Variants in OTOG observed in about 807,000 individuals in gnomAD.
The protein encoded by OTOG is otogelin.
In OTOG, 296 loss-of-function variants were observed where a neutral mutation model predicts 313.8. That is an observed-to-expected ratio of 0.94 (90% CI 0.86 to 1.04). The LOEUF (loss-of-function observed/expected upper bound fraction) is 1.04, where lower values mean the gene tolerates loss of function less well. OTOG is among the 50% of genes least tolerant of loss of function. OTOG has a pLI of 0.00. For missense variants in OTOG, 3,948 were observed against 3,840.1 expected (o/e 1.03, Z -0.74); for synonymous variants, 1,533 against 1,554.9 (o/e 0.99, Z 0.33).
At chr11:17,618,548 T>C (rs962735379) in intron 39 of OTOG, among the ~76,000 whole-genome samples, 40 of 152,366 alleles carry the variant, frequency 2.6e-4, no homozygotes, top group African/African-American at 8.2e-4. Context: ...GAGTGTTCTA[T>C]GAATGTTAAT....
chr11:17,621,455 A>G (rs1430791917), intron 39 of OTOG, among the ~76,000 whole-genome samples: 1 of 151,844 alleles, frequency 6.6e-6, no homozygotes, highest in Non-Finnish European at 1.5e-5. Flanking sequence ...AGCTCTGTGG[A>G]TTTTTCTGTC....
At chr11:17,598,471 G>T (rs1382657681) in intron 30 of OTOG, among the ~76,000 whole-genome samples, 1 of 152,140 alleles carries the variant, frequency 6.6e-6, no homozygotes, top group Non-Finnish European at 1.5e-5. Context: ...ATTGCATTAA[G>T]ATAGTATTTA....
chr11:17,561,714 G>A lies in OTOG; in HGVS notation c.1551G>A (p.Arg517=), dbSNP rs1289470253. Residue 517 remains arginine (R), a synonymous_variant, in exon 15 of 56, where the codon CGG becomes CGA. Transcript: ENST00000399397. ...ACTTCACAACCTTTGATGGCCGCCGGTACACGTTCCCCGCCACATGTCAGT... is the reference window on the plus strand; with the variant it reads ...ACTTCACAACCTTTGATGGCCGCCGATACACGTTCCCCGCCACATGTCAGT... ...DIHFTTFDGR[R]YTFPATCQYI... 6 of 1,550,446 alleles carry A rather than the reference G, an allele frequency of 3.9e-6. No homozygotes were observed. In the South Asian group the frequency reaches 7.1e-5, roughly 18 times the overall value.
At chr11:17,645,702 G>T (rs894178566) in intron 55 of OTOG, 42 bp from the exon 56 acceptor site, 3 of 1,550,552 alleles carry the variant, frequency 1.9e-6, no homozygotes, top group South Asian at 1.2e-5. Flanking sequence ...GGGTTTGGGG[G>T]TGTGAGCACC....
chr11:17,611,289 C>CA lies in OTOG; in HGVS notation c.5990dup (p.His1997GlnfsTer37). 6.4e-7 allele frequency: 1 copy of CA among 1,550,546 alleles called. No individual in the cohort carries two copies. The highest frequency in any genetic ancestry group is 8.7e-7 in the Non-Finnish European group (1 of 1,146,984). On this transcript the variant is annotated frameshift_variant, in exon 36 of 56. Coordinates refer to ENST00000399397, the MANE Select transcript of OTOG (RefSeq NM_001292063.2). LOFTEE classifies it high-confidence loss of function. Reference sequence around the variant, plus strand: ...GGCCCATGGAACCTCGGCAGGGCCTCACCTGGCAGCAGAGCCGGTGGACGA... The same window carrying CA: ...GGCCCATGGAACCTCGGCAGGGCCTCAACCTGGCAGCAGAGCCGGTGGACGA...
At chr11:17,585,189 T>C (rs534560486) in intron 23 of OTOG, among the ~76,000 whole-genome samples, 24 of 152,376 alleles carry the variant, frequency 1.6e-4, no homozygotes, top group African/African-American at 5.5e-4. Context: ...TTTAAAGATA[T>C]TGGGCTAATT....
At chr11:17,565,428 A>G (rs1852276261) in intron 15 of OTOG, among the ~76,000 whole-genome samples, 1 of 152,166 alleles carries the variant, frequency 6.6e-6, no homozygotes, top group African/African-American at 2.4e-5. Flanking sequence ...ATCACTGTTG[A>G]TTATGACCTT....
At chr11:17,585,396 C>T (rs905508065) in intron 23 of OTOG, among the ~76,000 whole-genome samples, 1 of 152,140 alleles carries the variant, frequency 6.6e-6, no homozygotes, top group African/African-American at 2.4e-5. Context: ...TTCCTGTCCC[C>T]CTTTTTATCA....
At chr11:17,616,372 C>T (rs1327863908) in intron 39 of OTOG, among the ~76,000 whole-genome samples, 1 of 152,172 alleles carries the variant, frequency 6.6e-6, no homozygotes, top group Non-Finnish European at 1.5e-5. Context: ...ATTCTAATTC[C>T]TTTAACTTTT....
chr11:17,643,351 G>C (rs935762362), intron 53 of OTOG, 110 bp from the exon 54 acceptor site: 1 of 696,124 alleles, frequency 1.4e-6, no homozygotes, highest in East Asian at 3.4e-5. Context: ...GGGGCATCAC[G>C]GGGAGAGAAG....
chr11:17,552,022 T>G lies in OTOG; in HGVS notation c.239T>G (p.Val80Gly). ...GGQQAEAPDSVAMSSWERRLH... is the reference protein window; with the variant it reads ...GGQQAEAPDSGAMSSWERRLH... The stretch of plus-strand genomic sequence containing the variant: ...AAGCAGGCTGAAGCCCCAGACTCCG[T>G]GGCCATGTCTTCCTGGGAAAGGCGG... The change falls in exon 4 of 56, where the codon GTG becomes GGG. Residue 80 changes from valine to glycine, a missense_variant. Physicochemically the swap from Val to Gly is moderately radical, Grantham distance 109. Coordinates refer to ENST00000399397, the MANE Select transcript of OTOG (RefSeq NM_001292063.2). The G allele has an allele frequency of 6.4e-7, 1 of 1,550,518 alleles. No individual in the cohort carries two copies. The highest frequency in any genetic ancestry group is 2.4e-5 in the East Asian group (1 of 40,914).
chr11:17,559,829 A>T (rs984384720), intron 12 of OTOG, among the ~76,000 whole-genome samples, 167 bp downstream of exon 12: 6 of 147,694 alleles, frequency 4.1e-5, no homozygotes, highest in Admixed American at 2.7e-4. Context: ...GGAAGAAGGA[A>T]GGAGGAAGGA....
In OTOG at chr11:17,613,768, G is replaced by A. The variant is rs575710241; in HGVS notation, c.6528+67G>A. ...TCAGCTGAGGGACAGGGCATCCAGG[G>A]GTGGAGGGGCTGTGAGGCTGAATCA... On this transcript the variant is annotated intron_variant, in intron 39 of 55. Coordinates refer to ENST00000399397, the MANE Select transcript of OTOG (RefSeq NM_001292063.2). The A allele has an allele frequency of 6.4e-4, 874 of 1,372,944 alleles. 1 individual carries two copies. Among genetic ancestry groups the A allele is most frequent in the Non-Finnish European group, 7.8e-4 (766 of 987,180 alleles). 85.0% of individuals were successfully genotyped at this position (1,372,944 alleles called of 1,614,324 possible).
chr11:17,561,932 T>C, intron 15 of OTOG, 125 bp downstream of exon 15: 14 of 1,203,622 alleles, frequency 1.2e-5, no homozygotes, highest in Non-Finnish European at 1.5e-5. Context: ...CTCTTCTCTC[T>C]GGGGAGAAGA....
At chr11:17,638,913 C>T (rs1240328159) in intron 48 of OTOG, 7 of 625,154 alleles carry the variant, frequency 1.1e-5, no homozygotes, top group Non-Finnish European at 1.5e-5. Context: ...CTGGCCAAGA[C>T]GGTGAAACCC....
In OTOG at chr11:17,612,226, A is replaced by G. The variant is rs1355315284; in HGVS notation, c.6188A>G (p.Gln2063Arg). Reference sequence around the variant, plus strand: ...GAGGGCCAGCTGATTCGCGTGAATCAGTCCCAGCACTGTCCCCAGGGTGCT... The same window carrying G: ...GAGGGCCAGCTGATTCGCGTGAATCGGTCCCAGCACTGTCCCCAGGGTGCT... The part of the protein sequence containing the change: ...CLEGQLIRVN[Q>R]SQHCPQGAAP... The change falls in exon 37 of 56, where the codon CAG becomes CGG. Residue 2063 changes from glutamine to arginine, a missense_variant. Gln to Arg is a conservative substitution (Grantham distance 43, BLOSUM62 1). Coordinates refer to ENST00000399397, the MANE Select transcript of OTOG (RefSeq NM_001292063.2). The G allele has an allele frequency of 1.3e-6, 2 of 1,549,162 alleles. No individual in the cohort carries two copies. The highest frequency in any genetic ancestry group is 2.4e-5 in the East Asian group (1 of 40,912).
In OTOG at chr11:17,612,667, A is replaced by C; in HGVS notation, c.6340A>C (p.Ser2114Arg). The C allele has an allele frequency of 6.4e-7, 1 of 1,550,476 alleles. No individual in the cohort carries two copies. The highest frequency in any genetic ancestry group is 8.7e-7 in the Non-Finnish European group (1 of 1,146,934). The change falls in exon 38 of 56, where the codon AGC becomes CGC. Residue 2114 changes from serine (S) to arginine (R), a missense_variant. Physicochemically the swap from Ser to Arg is moderately radical, Grantham distance 110. Coordinates refer to ENST00000399397, the MANE Select transcript of OTOG (RefSeq NM_001292063.2). ...CCTGAGCTTCGTGACCTTCGATGGG[A>C]GCCACGTAGCTCTGTTCAAGGAGGC... ...PDLSFVTFDG[S>R]HVALFKEAIY...
rs1347171105 is a variant in OTOG at position 17,631,829 on chromosome 11, G to A, written c.6840G>A (p.Gln2280=). The A allele has an allele frequency of 7.1e-6, 11 of 1,550,524 alleles. No homozygotes were observed. In the African/African-American group the frequency reaches 1.5e-4, roughly 21 times the overall value. Residue 2280 remains glutamine (Q), a synonymous_variant, in exon 41 of 56, where the codon CAG becomes CAA. Coordinates refer to ENST00000399397, the MANE Select transcript of OTOG (RefSeq NM_001292063.2). Reference sequence around the variant, plus strand: ...CCAGCTCCCTGACCTCAGTGGGCCAGACCCGCTTCCGCCCAGACAGCTGCG... The same window carrying A: ...CCAGCTCCCTGACCTCAGTGGGCCAAACCCGCTTCCGCCCAGACAGCTGCG... ...QVPSSLTSVG[Q]TRFRPDSCAT... is the part of the protein sequence containing the mutation.
chr11:17,561,916 T>C lies in OTOG; in HGVS notation c.1644+109T>C, dbSNP rs546080987. ...CTCAGGTCTTCCCATGGCCCCCACCTGCTGCCTCTTCTCTCTGGGGAGAAG... is the reference window on the plus strand; with the variant it reads ...CTCAGGTCTTCCCATGGCCCCCACCCGCTGCCTCTTCTCTCTGGGGAGAAG... On this transcript the variant is annotated intron_variant, in intron 15 of 55. Coordinates refer to ENST00000399397, the MANE Select transcript of OTOG (RefSeq NM_001292063.2). 682 of 1,333,520 alleles carry C rather than the reference T, an allele frequency of 5.1e-4. 3 individuals are homozygous for C. The highest frequency in any genetic ancestry group is 4.9e-3 in the South Asian group (354 of 71,954). 82.6% of individuals were successfully genotyped at this position (1,333,520 alleles called of 1,614,324 possible). A position where few individuals can be genotyped will look rare whatever the true frequency, so the allele number is the denominator to read the frequency against.
Sources: gnomAD v4.1 joint callset for allele counts (sites outside exome capture counted in the v4.1 genomes callset) on GRCh38, gnomAD v4.1.1 for gene constraint, MANE v1.5 for transcripts, NCBI Gene and HGNC (gene_info 2026-07-23, HGNC 2026-07-21) for gene names.